Variants in UBXN7 observed in about 807,000 individuals in gnomAD.
UBXN7 encodes UBX domain protein 7.
UBXN7 carries 9 observed loss-of-function variants against 58.0 expected under a neutral mutation model. The ratio of observed to expected loss-of-function variants is 0.16; its 90% CI spans 0.09 to 0.27. UBXN7 has a LOEUF of 0.27. Ranked by LOEUF, UBXN7 falls within the 10% of genes least tolerant of loss-of-function variation. The pLI is 1.00. For missense variants in UBXN7, 328 were observed against 599.6 expected, an observed-to-expected ratio of 0.55 and a Z score of 4.73; for synonymous variants, 208 against 205.0, an observed-to-expected ratio of 1.01 and a Z score of -0.12.
At chr3:196,375,493 G>C (rs1728990886) in intron 5 of UBXN7, among the ~76,000 whole-genome samples, 1 of 152,074 alleles carries the variant, frequency 6.6e-6, no homozygotes, top group Non-Finnish European at 1.5e-5. Context: ...TTTAAAAAGA[G>C]AGAGTCTTAA....
intron 1 of UBXN7, chr3:196,432,092 G>GA (rs768672344): frequency 2.2e-5 from 14 of 639,948 alleles, no homozygotes; most frequent in African/African-American, 2.0e-4. Context: ...GGGGTTGGGG[G>GA]ATCTCCCTCC....
chr3:196,419,848 G>A (rs1040322872), intron 1 of UBXN7, among the ~76,000 whole-genome samples: 3 of 152,112 alleles, frequency 2.0e-5, no homozygotes, highest in Non-Finnish European at 4.4e-5. Flanking sequence ...CTCAATTTGC[G>A]GTAATTTGTC....
At chr3:196,395,797 ACT>A (rs1314735610) in intron 3 of UBXN7, among the ~76,000 whole-genome samples, 1 of 151,176 alleles carries the variant, frequency 6.6e-6, no homozygotes, top group Non-Finnish European at 1.5e-5. Context: ...ACAGAGTCTC[ACT>A]CTGTTGCCCA....
chr3:196,407,447 C>T, intron 1 of UBXN7, 54 bp from the exon 2 acceptor site: 1 of 1,426,168 alleles, frequency 7.0e-7, no homozygotes, highest in South Asian at 1.3e-5. Flanking sequence ...AAAAAGACAG[C>T]CTCTTTCTTC....
intron 5 of UBXN7, among the ~76,000 whole-genome samples, chr3:196,381,738 T>C (rs957738434): frequency 6.6e-6 from 1 of 152,108 alleles, no homozygotes; most frequent in Non-Finnish European, 1.5e-5. Context: ...GCTAAACACC[T>C]TGAAAAAAGA....
At position 196,348,933 on chromosome 3, in the gene UBXN7, A is replaced by AAAAC; in HGVS notation, c.*7748_*7751dup. The AAAAC allele has an allele frequency of 6.6e-6, 1 of 152,040 alleles. No individual in the cohort carries two copies. The highest frequency in any genetic ancestry group is 6.6e-5 in the Admixed American group (1 of 15,256). 9.4% of individuals were successfully genotyped at this position (152,040 alleles called of 1,614,324 possible). On this transcript the variant is annotated 3_prime_UTR_variant, in exon 11 of 11. Coordinates refer to ENST00000296328, the MANE Select transcript of UBXN7 (RefSeq NM_015562.2). Reference sequence around the variant, plus strand: ...GACTTTCCTGAAGGGCAAACAAAACAAAACAAAACAAAACAAAACAAACAA... The same window carrying AAAAC: ...GACTTTCCTGAAGGGCAAACAAAACAAAACAAACAAAACAAAACAAAACAAACAA...
Position 196,413,926 on chromosome 3 carries a change from G to C in UBXN7, c.74-6533C>G, listed in dbSNP as rs117946967. ...GCTATTACATTGTACCTAATACAACGTAAACAGTTGTTATACTATAGAGAA... is the reference window on the plus strand; with the variant it reads ...GCTATTACATTGTACCTAATACAACCTAAACAGTTGTTATACTATAGAGAA... On this transcript the variant is annotated intron_variant, in intron 1 of 10. Transcript: ENST00000296328. Among the ~76,000 whole-genome samples, 549 of 152,180 alleles carry C rather than the reference G, an allele frequency of 3.6e-3. 20 individuals are homozygous for C. In the South Asian group the frequency reaches 0.074, roughly 21 times the overall value.
intron 7 of UBXN7, among the ~76,000 whole-genome samples, chr3:196,369,157 G>A (rs1199762793): frequency 2.6e-5 from 4 of 152,024 alleles, no homozygotes; most frequent in Non-Finnish European, 4.4e-5. Context: ...CCTTAAAAAA[G>A]GTAAGATGAA....
intron 10 of UBXN7, 150 bp downstream of exon 10, chr3:196,361,694 A>T: frequency 1.6e-6 from 1 of 627,670 alleles, no homozygotes; most frequent in Non-Finnish European, 2.7e-6. Flanking sequence ...TAATTAAGTT[A>T]TGTGCTTTTT....
chr3:196,401,272 A>T lies in UBXN7; in HGVS notation c.289+1680T>A, dbSNP rs867747935. Among the ~76,000 whole-genome samples the T allele has an allele frequency of 2.0e-3, 151 of 74,820 alleles. 3 individuals are homozygous for T. The East Asian group carries it at 0.03, about 15-fold the overall frequency. The allele number at this position is 74,820 out of a possible 152,430, so 49.1% of individuals were successfully genotyped here. A position where few individuals can be genotyped will look rare whatever the true frequency, so the allele number is the denominator to read the frequency against. ...CCAAAAAAAAAAAAAAAAAAAAAAA[A>T]AAATATATATATATATATATATATA... On this transcript the variant is annotated intron_variant, in intron 3 of 10. Transcript: ENST00000296328.
At chr3:196,381,438 T>C (rs749446058) in intron 5 of UBXN7, among the ~76,000 whole-genome samples, 14 of 151,776 alleles carry the variant, frequency 9.2e-5, no homozygotes, top group Admixed American at 3.3e-4. Context: ...AGGAATAGCA[T>C]CTACATCAAC....
chr3:196,362,242 G>A lies in UBXN7; in HGVS notation c.1228+52C>T, dbSNP rs1728525528. 4.6e-6 allele frequency: 7 copies of A among 1,536,956 alleles called. No homozygotes were observed. In the Admixed American group the frequency reaches 6.2e-5, roughly 14 times the overall value. ...ACTCCTAACCTCAGTGATCCACCACGCCCGGCCCCAATATCTAAGTTTGAA... is the reference window on the plus strand; with the variant it reads ...ACTCCTAACCTCAGTGATCCACCACACCCGGCCCCAATATCTAAGTTTGAA... On this transcript the variant is annotated intron_variant, in intron 9 of 10. Coordinates refer to ENST00000296328, the MANE Select transcript of UBXN7 (RefSeq NM_015562.2).
chr3:196,404,844 C>T (rs1730110847), intron 2 of UBXN7, among the ~76,000 whole-genome samples: 1 of 152,094 alleles, frequency 6.6e-6, no homozygotes, highest in South Asian at 2.1e-4. Flanking sequence ...TAAGCTCTGT[C>T]AATCCTTTCA....
intron 5 of UBXN7, among the ~76,000 whole-genome samples, chr3:196,380,214 C>T (rs1024341149): frequency 2.7e-5 from 4 of 149,254 alleles, no homozygotes; most frequent in Non-Finnish European, 3.0e-5. Context: ...AGCGCCACTG[C>T]AGTCCAGCAG....
intron 5 of UBXN7, among the ~76,000 whole-genome samples, chr3:196,384,808 A>G (rs1729322186): frequency 6.6e-6 from 1 of 152,210 alleles, no homozygotes; most frequent in African/African-American, 2.4e-5. Context: ...TCTCAAAATA[A>G]TAAGAGATAT....
chr3:196,382,278 T>G (rs1009148077), intron 5 of UBXN7, among the ~76,000 whole-genome samples: 7 of 152,310 alleles, frequency 4.6e-5, no homozygotes, highest in African/African-American at 1.4e-4. Flanking sequence ...CCCATCAGAC[T>G]AACAGCAGAT....
rs573098466 is a variant in UBXN7, at chr3:196,362,191, G to A, written c.1228+103C>T. ...GTATTTTTAGTAGAGACAGGGTTTT[G>A]CCATGTTGGCGAGGCTGGTCTTGGA... On this transcript the variant is annotated intron_variant, in intron 9 of 10. Coordinates refer to ENST00000296328, the MANE Select transcript of UBXN7 (RefSeq NM_015562.2). The A allele has an allele frequency of 1.8e-4, 248 of 1,414,872 alleles. No individual in the cohort carries two copies. In the African/African-American group the frequency reaches 2.5e-3, roughly 14 times the overall value. The allele number at this position is 1,414,872 out of a possible 1,614,324, so 87.6% of individuals were successfully genotyped here. A position where few individuals can be genotyped will look rare whatever the true frequency, so the allele number is the denominator to read the frequency against.
In UBXN7 at chr3:196,368,009, A is replaced by G. The variant is rs761622319; in HGVS notation, c.834+19T>C. The G allele has an allele frequency of 1.2e-6, 2 of 1,605,030 alleles. No individual in the cohort carries two copies. The highest frequency in any genetic ancestry group is 8.5e-7 in the Non-Finnish European group (1 of 1,176,718). ...CAATTACATTTATTTTCCCATCACCACCTCCTAATTATACTTACTGAACGG... is the reference window on the plus strand; with the variant it reads ...CAATTACATTTATTTTCCCATCACCGCCTCCTAATTATACTTACTGAACGG... On this transcript the variant is annotated intron_variant, in intron 8 of 10. Transcript: ENST00000296328.
At chr3:196,364,928 T>C (rs1197364329) in intron 8 of UBXN7, among the ~76,000 whole-genome samples, 1 of 152,128 alleles carries the variant, frequency 6.6e-6, no homozygotes, top group Non-Finnish European at 1.5e-5. Context: ...GAGGTGTCTA[T>C]GTGACATGCA....
Sources: allele counts gnomAD v4.1 joint callset (sites outside exome capture counted in the v4.1 genomes callset), GRCh38; gene constraint gnomAD v4.1.1; transcripts MANE v1.5; gene names NCBI Gene and HGNC (gene_info 2026-07-23, HGNC 2026-07-21).